Variants in SBF2 observed in about 807,000 individuals in gnomAD.
SBF2 encodes SET binding factor 2, also known as myotubularin-related protein 13.
A neutral mutation model predicts 225.2 loss-of-function variants in SBF2; 112 were observed. The ratio of observed to expected loss-of-function variants is 0.50; its 90% CI spans 0.43 to 0.58. The LOEUF (loss-of-function observed/expected upper bound fraction) is 0.58, where lower values mean the gene tolerates loss of function less well. SBF2 is among the 20% of genes least tolerant of loss of function. The pLI is 0.00. For missense variants in SBF2, 1,996 were observed against 2,206.2 expected (o/e 0.90, Z 1.91); for synonymous variants, 763 against 773.3 (o/e 0.99, Z 0.22).
At chr11:9,936,173 G>A (rs1444509754) in intron 16 of SBF2, among the ~76,000 whole-genome samples, 1 of 152,152 alleles carries the variant, frequency 6.6e-6, no homozygotes, top group Non-Finnish European at 1.5e-5. Flanking sequence ...AAAAGAAGAC[G>A]TTTATGCAGC....
Position 9,992,852 on chromosome 11 carries a change from T to C in SBF2, c.1167+138A>G, listed in dbSNP as rs920937490. On this transcript the variant is annotated intron_variant, in intron 11 of 39. Transcript: ENST00000256190. ...GTTCCATATTATTATTAAGAACTGA[T>C]ATCTAACCACACAGAGATTTTAAAT... 2.3e-5 allele frequency: 15 copies of C among 652,460 alleles called. No individual in the cohort carries two copies. In the African/African-American group the frequency reaches 2.6e-4, roughly 11 times the overall value. The allele number at this position is 652,460 out of a possible 1,614,324, so 40.4% of individuals were successfully genotyped here. A position where few individuals can be genotyped will look rare whatever the true frequency, so the allele number is the denominator to read the frequency against.
At chr11:10,254,884 GAGTGAGACTCTGTCTCAAAAAAAAAAA>G (rs1960716698) in intron 1 of SBF2, among the ~76,000 whole-genome samples, 3 of 88,854 alleles carry the variant, frequency 3.4e-5, no homozygotes, top group Non-Finnish European at 2.1e-5. Flanking sequence ...CTGGGTGACA[GAGTGAGACTCTGTCTCAAAAAAAAAAA>G]AAAAAAAAAA....
intron 1 of SBF2, among the ~76,000 whole-genome samples, chr11:10,256,558 C>A (rs777787858): frequency 9.2e-5 from 14 of 152,158 alleles, no homozygotes; most frequent in Non-Finnish European, 2.1e-4. Flanking sequence ...CCCTTGAAGC[C>A]GCATTAGTCA....
intron 26 of SBF2, chr11:9,838,208 C>T (rs1020932437): frequency 2.7e-4 from 40 of 150,224 alleles, no homozygotes; most frequent in African/African-American, 9.1e-4. Context: ...CCTTTCTTGC[C>T]TTCTTTTGGA....
At chr11:9,815,668 C>T (rs992554219) in intron 29 of SBF2, among the ~76,000 whole-genome samples, 5 of 152,006 alleles carry the variant, frequency 3.3e-5, no homozygotes, top group Admixed American at 1.3e-4. Flanking sequence ...ATTCGGATCA[C>T]GAGTAAGTGT....
intron 22 of SBF2, among the ~76,000 whole-genome samples, chr11:9,849,731 T>C (rs1165536496): frequency 6.6e-6 from 1 of 152,220 alleles, no homozygotes. Context: ...ATTCAGCAGT[T>C]AGAGTGAATA....
intron 16 of SBF2, among the ~76,000 whole-genome samples, chr11:9,956,066 CTTT>C (rs982022620): frequency 4.6e-5 from 7 of 151,944 alleles, no homozygotes; most frequent in Admixed American, 3.3e-4. Context: ...GAATTATCTT[CTTT>C]AAGATTCATC....
At chr11:10,174,308 G>C (rs1183090914) in intron 2 of SBF2, among the ~76,000 whole-genome samples, 2 of 152,126 alleles carry the variant, frequency 1.3e-5, no homozygotes, top group Non-Finnish European at 2.9e-5. Flanking sequence ...ATACAGAGAA[G>C]TGCTTAAAGG....
chr11:10,244,931 T>C (rs55962722), intron 1 of SBF2, among the ~76,000 whole-genome samples: 1,613 of 151,618 alleles, frequency 0.011, 34 homozygotes, highest in African/African-American at 0.037. Context: ...AGCTCAGAAG[T>C]TCACGACAGC....
chr11:9,906,322 T>C (rs1590393885), intron 16 of SBF2, among the ~76,000 whole-genome samples: 1 of 152,182 alleles, frequency 6.6e-6, no homozygotes, highest in South Asian at 2.1e-4. Context: ...CTGTCCAAAC[T>C]TTAAATGACA....
intron 2 of SBF2, among the ~76,000 whole-genome samples, chr11:10,166,641 G>A (rs1006958159): frequency 2.6e-5 from 4 of 152,020 alleles, no homozygotes; most frequent in Non-Finnish European, 5.9e-5. Flanking sequence ...CCCTGGTATC[G>A]AAAGTAATAG....
intron 17 of SBF2, among the ~76,000 whole-genome samples, chr11:9,884,299 CA>C (rs1372366376): frequency 6.6e-6 from 1 of 152,128 alleles, no homozygotes; most frequent in Non-Finnish European, 1.5e-5. Flanking sequence ...TGCTAGATAC[CA>C]TAACATGAAG....
chr11:9,901,689 G>C (rs985153874), intron 16 of SBF2, among the ~76,000 whole-genome samples: 2 of 152,142 alleles, frequency 1.3e-5, no homozygotes, highest in African/African-American at 4.8e-5. Context: ...TCACTCTGGA[G>C]GCTGGAGTGC....
At chr11:9,817,125 T>C (rs1854498272) in intron 28 of SBF2, 101 bp from the exon 29 acceptor site, 16 of 1,268,110 alleles carry the variant, frequency 1.3e-5, no homozygotes, top group African/African-American at 2.9e-5. Flanking sequence ...TTAGAGGTCA[T>C]AGCAAGCTGA....
intron 2 of SBF2, among the ~76,000 whole-genome samples, chr11:10,094,261 G>A (rs1187175053): frequency 6.6e-6 from 1 of 151,958 alleles, no homozygotes; most frequent in African/African-American, 2.4e-5. Flanking sequence ...AGGCAGAGGT[G>A]GCAGTGAGCT....
At chr11:10,290,144 C>A (rs1190641205) in intron 1 of SBF2, among the ~76,000 whole-genome samples, 1 of 152,160 alleles carries the variant, frequency 6.6e-6, no homozygotes. Context: ...AAAAATTAAT[C>A]TTCCTTCTCC....
intron 1 of SBF2, among the ~76,000 whole-genome samples, chr11:10,233,688 T>G (rs1958950898): frequency 6.6e-6 from 1 of 152,122 alleles, no homozygotes; most frequent in Admixed American, 6.6e-5. Flanking sequence ...AAGAAAGAAT[T>G]TATGACTCAG....
chr11:10,151,919 A>G (rs1484909592), intron 2 of SBF2, among the ~76,000 whole-genome samples: 1 of 152,208 alleles, frequency 6.6e-6, no homozygotes, highest in African/African-American at 2.4e-5. Context: ...CTAAACGTTC[A>G]GGAACACATA....
At chr11:9,963,100 C>G (rs1866682671) in intron 15 of SBF2, among the ~76,000 whole-genome samples, 1 of 152,148 alleles carries the variant, frequency 6.6e-6, no homozygotes. Context: ...CATTTAAGTT[C>G]AATACTACAG....
Sources: allele counts gnomAD v4.1 joint callset (sites outside exome capture counted in the v4.1 genomes callset), GRCh38; gene constraint gnomAD v4.1.1; transcripts MANE v1.5; gene names NCBI Gene and HGNC (gene_info 2026-07-23, HGNC 2026-07-21).